Variants in MEGF6 observed in about 807,000 individuals in gnomAD.
The protein encoded by MEGF6 is multiple EGF like domains 6.
A neutral mutation model predicts 207.1 loss-of-function variants in MEGF6; 184 were observed. That is an observed-to-expected ratio of 0.89 (90% confidence interval 0.79 to 1.00). The LOEUF (loss-of-function observed/expected upper bound fraction) is 1.00. Among genes scored for constraint, MEGF6 ranks in the 50% least tolerant of loss-of-function variants. MEGF6 has a pLI of 0.00. For missense variants in MEGF6, 2,282 were observed against 2,202.9 expected (o/e 1.04, Z -0.72); for synonymous variants, 1,038 against 910.0 (o/e 1.14, Z -2.53).
chr1:3,577,167 C>A (rs74048639), intron 4 of MEGF6, among the ~76,000 whole-genome samples: 1 of 152,186 alleles, frequency 6.6e-6, no homozygotes, highest in Non-Finnish European at 1.5e-5. Flanking sequence ...GAGTGACCAG[C>A]GAGGAGGCCG....
intron 4 of MEGF6, among the ~76,000 whole-genome samples, chr1:3,558,401 AAGGCAGGAGGATCACTTG>A (rs1269536810): frequency 6.6e-6 from 1 of 152,194 alleles, no homozygotes; most frequent in Non-Finnish European, 1.5e-5. Context: ...TTAGGAGGCC[AAGGCAGGAGGATCACTTG>A]AGGCCAGGAG....
rs367628932 is a variant in MEGF6, at chr1:3,510,681, C to G, written c.1234+102G>C. On this transcript the variant is annotated intron_variant, in intron 10 of 36. Coordinates refer to ENST00000356575, the MANE Select transcript of MEGF6 (RefSeq NM_001409.4). The stretch of plus-strand genomic sequence containing the variant: ...AAAGCAAAGCACAGAGCAGGCCGAC[C>G]CCATGCCCACCATGGGGGTACCAGA... The G allele has an allele frequency of 1.5e-5, 22 of 1,456,120 alleles. No individual in the cohort carries two copies. The East Asian group carries it at 3.2e-4, about 21-fold the overall frequency. The allele number at this position is 1,456,120 out of a possible 1,614,324, so 90.2% of individuals were successfully genotyped here.
rs753444828 is a variant in MEGF6 at position 3,506,165 on chromosome 1, G to A, written c.1861C>T (p.Arg621Cys). The A allele has an allele frequency of 5.6e-6, 9 of 1,595,838 alleles. No individual in the cohort carries two copies. Among genetic ancestry groups the A allele is most frequent in the South Asian group, 2.3e-5 (2 of 88,762 alleles). Residue 621 changes from arginine to cysteine, a missense_variant, in exon 15 of 37, where the codon CGC becomes TGC. Physicochemically the swap from Arg to Cys is radical, Grantham distance 180. Coordinates refer to ENST00000356575, the MANE Select transcript of MEGF6 (RefSeq NM_001409.4). ...TCGCAGAGGCAGGCCCCGTAGAGGC[G>A]GTGGCACCGGCCCCGGTTGGCACAG... ...CNCANRGRCH[R>C]LYGACLCDPG...
In MEGF6 at chr1:3,538,696, C is replaced by CTGTGTGTGTGTGTG. The variant is rs57325073; in HGVS notation, c.482-14464_482-14451dup. Among the ~76,000 whole-genome samples the CTGTGTGTGTGTGTG allele has an allele frequency of 3.8e-3, 497 of 132,102 alleles. 6 individuals are homozygous for CTGTGTGTGTGTGTG. The highest frequency in any genetic ancestry group is 8.1e-3 in the East Asian group (32 of 3,960). The allele number at this position is 132,102 out of a possible 152,430, so 86.7% of individuals were successfully genotyped here. A position where few individuals can be genotyped will look rare whatever the true frequency, so the allele number is the denominator to read the frequency against. ...TGCTGCCGGCCAGCAGAGCATGTGCCTGTGTGTGTGTGTGTGTGTGTGTGT... is the reference window on the plus strand; with the variant it reads ...TGCTGCCGGCCAGCAGAGCATGTGCCTGTGTGTGTGTGTGTGTGTGTGTGTGTGTGTGTGTGTGT... On this transcript the variant is annotated intron_variant, in intron 4 of 36. Transcript: ENST00000356575.
intron 1 of MEGF6, among the ~76,000 whole-genome samples, chr1:3,607,268 C>T (rs1644262898): frequency 6.6e-6 from 1 of 152,070 alleles, no homozygotes; most frequent in Non-Finnish European, 1.5e-5. Flanking sequence ...CCGCACATCA[C>T]ACCCGTCACT....
intron 2 of MEGF6, 64 bp downstream of exon 2, chr1:3,602,402 G>A (rs535887833): frequency 6.4e-5 from 103 of 1,607,468 alleles, no homozygotes; most frequent in Middle Eastern, 3.4e-4. Context: ...CCCAGCTCCC[G>A]GGTGGTCAGT....
chr1:3,595,483 G>A (rs375354456), intron 2 of MEGF6, 36 bp from the exon 3 acceptor site: 55 of 1,557,978 alleles, frequency 3.5e-5, no homozygotes, highest in African/African-American at 1.1e-4. Context: ...GCTTACCGTC[G>A]CGGGACTGGC....
intron 4 of MEGF6, among the ~76,000 whole-genome samples, chr1:3,535,195 G>A (rs12117772): frequency 4.6e-5 from 7 of 152,278 alleles, no homozygotes; most frequent in Non-Finnish European, 1.0e-4. Flanking sequence ...GACGGTGCCC[G>A]TGGGATCCAG....
rs1160343988 is a variant in MEGF6, at chr1:3,555,700, CCGCAGGG to C, written c.481+24118_481+24124del. Among the ~76,000 whole-genome samples, 13 of 152,304 alleles carry C rather than the reference CCGCAGGG, an allele frequency of 8.5e-5. No individual in the cohort carries two copies. The East Asian group carries it at 2.3e-3, about 27-fold the overall frequency. On this transcript the variant is annotated intron_variant, in intron 4 of 36. Transcript: ENST00000356575. ...GGAGCCTTCTCCAGCCCGCCCTGCC[CCGCAGGG>C]CTGCCAGGTCAGGTGCCTGCTGCCG...
intron 11 of MEGF6, 95 bp downstream of exon 11, chr1:3,509,775 G>T: frequency 4.9e-6 from 7 of 1,421,274 alleles, no homozygotes; most frequent in Non-Finnish European, 4.6e-6. Flanking sequence ...CCAGGCAGGT[G>T]GGGGTGGGGT....
rs1640728314 is a variant in MEGF6 at position 3,498,835 on chromosome 1, A to G, written c.3095-9T>C. The G allele has an allele frequency of 6.5e-7, 1 of 1,549,170 alleles. No homozygotes were observed. Among genetic ancestry groups the G allele is most frequent in the South Asian group, 1.2e-5 (1 of 84,064 alleles). On this transcript the variant is annotated splice_polypyrimidine_tract_variant and intron_variant, in intron 24 of 36. Coordinates refer to ENST00000356575, the MANE Select transcript of MEGF6 (RefSeq NM_001409.4). Reference sequence around the variant, plus strand: ...CAGGCCGGCAGGGCAGGCTGGGGCCAGGGAAGAGGGAGCAACCTGCATCCC... The same window carrying G: ...CAGGCCGGCAGGGCAGGCTGGGGCCGGGGAAGAGGGAGCAACCTGCATCCC...
chr1:3,601,647 C>T (rs1024268107), intron 2 of MEGF6, among the ~76,000 whole-genome samples: 1 of 152,306 alleles, frequency 6.6e-6, no homozygotes, highest in Middle Eastern at 3.4e-3. Flanking sequence ...TCCACTGTCC[C>T]GGGGTAGGAA....
chr1:3,541,019 G>A (rs1238878144), intron 4 of MEGF6, among the ~76,000 whole-genome samples: 1 of 152,230 alleles, frequency 6.6e-6, no homozygotes, highest in Admixed American at 6.5e-5. Context: ...ATGGCATCCT[G>A]GGGCCAAACA....
At chr1:3,540,027 G>A (rs182304938) in intron 4 of MEGF6, among the ~76,000 whole-genome samples, 19 of 152,322 alleles carry the variant, frequency 1.2e-4, no homozygotes, top group Admixed American at 1.2e-3. Flanking sequence ...TCAGCCCTCC[G>A]TGTTTATCTG....
chr1:3,516,701 G>A (rs1341051354), intron 5 of MEGF6, among the ~76,000 whole-genome samples: 1 of 152,206 alleles, frequency 6.6e-6, no homozygotes, highest in Non-Finnish European at 1.5e-5. Context: ...GGCTGGAGCA[G>A]CGGTGTTGCC....
intron 29 of MEGF6, 114 bp from the exon 30 acceptor site, chr1:3,496,132 C>A: frequency 7.2e-7 from 1 of 1,394,612 alleles, no homozygotes; most frequent in Non-Finnish European, 9.4e-7. Flanking sequence ...GGGTCTGCCC[C>A]AGACAGGGTG....
intron 2 of MEGF6, among the ~76,000 whole-genome samples, chr1:3,596,296 C>T (rs556679232): frequency 3.9e-5 from 6 of 152,120 alleles, no homozygotes; most frequent in East Asian, 3.9e-4. Flanking sequence ...ATGGGCAGCC[C>T]GATCTGGCCA....
chr1:3,533,833 T>C (rs1642247781), intron 4 of MEGF6, among the ~76,000 whole-genome samples: 1 of 152,150 alleles, frequency 6.6e-6, no homozygotes, highest in African/African-American at 2.4e-5. Flanking sequence ...GCACCCCATC[T>C]GGGGAAGGTT....
At position 3,492,785 on chromosome 1, in the gene MEGF6, C is replaced by T. The variant is rs201243273; in HGVS notation, c.4388-18G>A. Reference sequence around the variant, plus strand: ...TCTGCAATCTGCAAGGCGGAGGGGGCGGGAGACAAACCTGAGCATCATCCT... The same window carrying T: ...TCTGCAATCTGCAAGGCGGAGGGGGTGGGAGACAAACCTGAGCATCATCCT... On this transcript the variant is annotated intron_variant, in intron 34 of 36. Coordinates refer to ENST00000356575, the MANE Select transcript of MEGF6 (RefSeq NM_001409.4). 17 of 1,602,264 alleles carry T rather than the reference C, an allele frequency of 1.1e-5. No homozygotes were observed. The highest frequency in any genetic ancestry group is 5.4e-5 in the African/African-American group (4 of 74,740).
Sources: allele counts gnomAD v4.1 joint callset (sites outside exome capture counted in the v4.1 genomes callset), GRCh38; gene constraint gnomAD v4.1.1; transcripts MANE v1.5; gene names NCBI Gene and HGNC (gene_info 2026-07-23, HGNC 2026-07-21).